The following PPARGC1A variants were observed in gnomAD, a reference collection of about 807,000 sequenced individuals.
The protein encoded by PPARGC1A is PPARG coactivator 1 alpha, also known as peroxisome proliferator-activated receptor gamma coactivator 1-alpha.
In PPARGC1A, 25 loss-of-function variants were observed where a neutral mutation model predicts 88.7. That is an observed-to-expected ratio of 0.28 (90% CI 0.21 to 0.39). The LOEUF (loss-of-function observed/expected upper bound fraction) is 0.39, where lower values mean the gene tolerates loss of function less well. Among genes scored for constraint, PPARGC1A ranks in the 10% least tolerant of loss-of-function variants. The pLI is 1.00. For missense variants in PPARGC1A, 880 were observed against 968.7 expected, an observed-to-expected ratio of 0.91 and a Z score of 1.22; for synonymous variants, 363 against 355.6, an observed-to-expected ratio of 1.02 and a Z score of -0.24.
chr4:23,822,883 A>G (rs1723248496), intron 7 of PPARGC1A, among the ~76,000 whole-genome samples: 2 of 152,078 alleles, frequency 1.3e-5, no homozygotes, highest in Non-Finnish European at 2.9e-5. Flanking sequence ...CCCAATTTAT[A>G]TCTGTACAGC....
the PPARGC1A span, among the ~76,000 whole-genome samples, chr4:24,378,206 G>T: frequency 2.6e-5 from 4 of 151,980 alleles, no homozygotes; most frequent in Non-Finnish European, 4.4e-5. Flanking sequence ...GCATGGCTGC[G>T]CATGCCTGTA....
At chr4:24,443,654 C>A in the PPARGC1A span, among the ~76,000 whole-genome samples, 1 of 151,986 alleles carries the variant, frequency 6.6e-6, no homozygotes, top group Non-Finnish European at 1.5e-5. Context: ...CTCCTGGGTT[C>A]AAGTGATTCT....
intron 2 of PPARGC1A, among the ~76,000 whole-genome samples, chr4:23,835,975 G>A (rs1173181681): frequency 6.6e-6 from 1 of 152,156 alleles, no homozygotes; most frequent in Non-Finnish European, 1.5e-5. Context: ...CGCAGATGAA[G>A]CACACTGGCC....
the PPARGC1A span, among the ~76,000 whole-genome samples, chr4:23,927,215 A>G: frequency 6.6e-6 from 1 of 152,300 alleles, no homozygotes; most frequent in African/African-American, 2.4e-5. Flanking sequence ...AAAGTGAAAA[A>G]CAGATTGGTT....
the PPARGC1A span, chr4:24,091,732 T>G: frequency 1.6e-5 from 12 of 741,260 alleles, no homozygotes; most frequent in Non-Finnish European, 1.8e-5. Flanking sequence ...CCCAGACAGA[T>G]GCCAACTGGC....
the PPARGC1A span, among the ~76,000 whole-genome samples, chr4:24,389,309 G>A: frequency 6.6e-6 from 1 of 152,012 alleles, no homozygotes; most frequent in Non-Finnish European, 1.5e-5. Context: ...CTATAATAAT[G>A]TGTCCCCTCA....
At chr4:24,381,725 C>G in the PPARGC1A span, among the ~76,000 whole-genome samples, 1 of 152,126 alleles carries the variant, frequency 6.6e-6, no homozygotes, top group East Asian at 1.9e-4. Context: ...TAACGTGGTA[C>G]CAGGAATGAA....
the PPARGC1A span, among the ~76,000 whole-genome samples, chr4:23,975,282 C>T: frequency 1.3e-5 from 2 of 152,120 alleles, no homozygotes; most frequent in African/African-American, 4.8e-5. Context: ...TCCCAGTTGC[C>T]TACAGTTTGT....
the PPARGC1A span, among the ~76,000 whole-genome samples, chr4:24,461,787 T>A: frequency 6.6e-6 from 1 of 152,196 alleles, no homozygotes; most frequent in Non-Finnish European, 1.5e-5. Flanking sequence ...ACTTTCCTTC[T>A]GCCTCAAATG....
chr4:24,132,296 G>A, the PPARGC1A span, among the ~76,000 whole-genome samples: 13 of 149,022 alleles, frequency 8.7e-5, no homozygotes, highest in Admixed American at 6.7e-5. Flanking sequence ...TTCTATATCA[G>A]AAAAAAAAAA....
the PPARGC1A span, among the ~76,000 whole-genome samples, chr4:24,198,704 G>A: frequency 6.6e-6 from 1 of 152,136 alleles, no homozygotes; most frequent in Non-Finnish European, 1.5e-5. Flanking sequence ...TTTGAGTTGT[G>A]GTTCAGGGAA....
At chr4:23,909,982 C>T in the PPARGC1A span, among the ~76,000 whole-genome samples, 3 of 149,834 alleles carry the variant, frequency 2.0e-5, no homozygotes, top group East Asian at 2.0e-4. Flanking sequence ...CAGCTGCTAA[C>T]GTGATTTTAT....
intron 2 of PPARGC1A, among the ~76,000 whole-genome samples, chr4:23,864,187 T>A (rs1373880956): frequency 6.6e-6 from 1 of 152,236 alleles, no homozygotes; most frequent in East Asian, 1.9e-4. Context: ...CCTTAGTTTT[T>A]AAGGACACTG....
the PPARGC1A span, among the ~76,000 whole-genome samples, chr4:23,991,912 CA>C: frequency 4.0e-3 from 609 of 152,202 alleles, 6 homozygotes; most frequent in African/African-American, 0.013. Flanking sequence ...AGGAAGGCTG[CA>C]ACCTCAAAGC....
chr4:24,107,179 C>T, the PPARGC1A span, among the ~76,000 whole-genome samples: 1 of 152,146 alleles, frequency 6.6e-6, no homozygotes, highest in Non-Finnish European at 1.5e-5. Context: ...TGCTATATTA[C>T]TTTTCATTTT....
the PPARGC1A span, among the ~76,000 whole-genome samples, chr4:24,181,020 TA>T: frequency 1.4e-3 from 219 of 152,302 alleles, 2 homozygotes; most frequent in Non-Finnish European, 2.5e-3. Flanking sequence ...AAGTCCACAA[TA>T]AACCAGCTTC....
chr4:24,120,195 G>C, the PPARGC1A span, among the ~76,000 whole-genome samples: 1 of 152,160 alleles, frequency 6.6e-6, no homozygotes, highest in Non-Finnish European at 1.5e-5. Flanking sequence ...TGATAAGTGG[G>C]ATCTGAACCT....
intron 3 of PPARGC1A, 87 bp from the exon 4 acceptor site, chr4:23,829,672 A>G: frequency 8.1e-7 from 1 of 1,229,640 alleles, no homozygotes; most frequent in Non-Finnish European, 1.1e-6. Context: ...TTTAAATGTA[A>G]TTTATTATAA....
At chr4:24,172,223 G>A in the PPARGC1A span, among the ~76,000 whole-genome samples, 1 of 152,096 alleles carries the variant, frequency 6.6e-6, no homozygotes, top group East Asian at 1.9e-4. Context: ...TATCACTCTG[G>A]GTATTTGCCA....
Sources: gnomAD v4.1 joint callset for allele counts (sites outside exome capture counted in the v4.1 genomes callset) on GRCh38, gnomAD v4.1.1 for gene constraint, MANE v1.5 for transcripts, NCBI Gene and HGNC (gene_info 2026-07-23, HGNC 2026-07-21) for gene names.